PLOD3: variants seen among roughly 807,000 people sequenced by gnomAD.
PLOD3 encodes the protein procollagen-lysine,2-oxoglutarate 5-dioxygenase 3.
Under a neutral mutation model 96.9 loss-of-function variants are expected in PLOD3, and 73 were observed. The ratio of observed to expected loss-of-function variants is 0.75; its 90% confidence interval spans 0.62 to 0.92. The LOEUF is 0.92. Ranked by LOEUF, PLOD3 falls within the 40% of genes least tolerant of loss-of-function variation. The pLI is 0.00. For missense variants in PLOD3, 1,004 were observed against 1,004.3 expected, an observed-to-expected ratio of 1.00 and a Z score of 0.00; for synonymous variants, 454 against 413.7, an observed-to-expected ratio of 1.10 and a Z score of -1.18.
chr7:101,216,935 G>A (rs1411402116), intron 1 of PLOD3, 149 bp from the exon 2 acceptor site: 6 of 759,358 alleles, frequency 7.9e-6, no homozygotes, highest in African/African-American at 1.7e-5. Context: ...ACCCCAAGGA[G>A]GGCAGGGTGG....
chr7:101,214,854 G>A (rs991132754), intron 6 of PLOD3, among the ~76,000 whole-genome samples: 1 of 152,120 alleles, frequency 6.6e-6, no homozygotes, highest in African/African-American at 2.4e-5. Flanking sequence ...AAAGTCCCTG[G>A]CCCGGTGCCC....
At chr7:101,211,522 G>GT in intron 12 of PLOD3, 69 bp downstream of exon 12, 2 of 1,511,414 alleles carry the variant, frequency 1.3e-6, no homozygotes, top group Non-Finnish European at 1.8e-6. Flanking sequence ...ACCCCTGAGA[G>GT]TAGGGGGCTT....
Position 101,206,200 on chromosome 7 carries a change from C to G in PLOD3, c.*81G>C, listed in dbSNP as rs1798079249. 7.3e-7 allele frequency: 1 copy of G among 1,368,808 alleles called. No homozygotes were observed. The allele number at this position is 1,368,808 out of a possible 1,614,324, so 84.8% of individuals were successfully genotyped here. On this transcript the variant is annotated 3_prime_UTR_variant, in exon 19 of 19. Transcript: ENST00000223127. The stretch of plus-strand genomic sequence containing the variant: ...TCAGGAAGTGGGGAGACAGAGAGAC[C>G]CATCCCCCAACTCCCAGGACGGGGG...
chr7:101,208,362 C>T (rs1798119407), intron 16 of PLOD3, among the ~76,000 whole-genome samples: 1 of 152,016 alleles, frequency 6.6e-6, no homozygotes, highest in African/African-American at 2.4e-5. Flanking sequence ...TCTACCTCAG[C>T]TCCCGAGTAG....
chr7:101,214,698 G>A (rs1252452172), intron 6 of PLOD3, among the ~76,000 whole-genome samples: 3 of 151,974 alleles, frequency 2.0e-5, no homozygotes, highest in Non-Finnish European at 4.4e-5. Flanking sequence ...TGAGCTGGGC[G>A]TGGTGGCGCA....
At position 101,206,817 on chromosome 7, in the gene PLOD3, G is replaced by A. The variant is rs1201360012; in HGVS notation, c.2023C>T (p.Leu675Phe). The A allele has an allele frequency of 6.3e-7, 1 of 1,579,920 alleles. No homozygotes were observed. The highest frequency in any genetic ancestry group is 1.3e-5 in the African/African-American group (1 of 74,330). ...CCCTTGTGGTTGAGGGCAACGTTGA[G>A]GGTGAAGGTGGATGAGTCGTGGTGT... is the stretch of plus-strand genomic sequence containing the variant. The part of the protein sequence containing the change: ...RPHHDSSTFT[L>F]NVALNHKGLD... Residue 675 changes from leucine to phenylalanine, a missense_variant, in exon 18 of 19, where the codon CTC (leucine) becomes TTC (phenylalanine). This residue lies in a region of PLOD3 where 222 missense variants were observed against 220.4 expected (regional missense o/e 1.01). Coordinates refer to ENST00000223127, the MANE Select transcript of PLOD3 (RefSeq NM_001084.5).
chr7:101,208,156 G>T (rs879315897), intron 16 of PLOD3, among the ~76,000 whole-genome samples: 1 of 152,028 alleles, frequency 6.6e-6, no homozygotes, highest in Non-Finnish European at 1.5e-5. Context: ...GGAGTACTGC[G>T]GCATGATCAT....
At chr7:101,210,831 T>C (rs1798170774) in intron 12 of PLOD3, 158 bp from the exon 13 acceptor site, 5 of 720,236 alleles carry the variant, frequency 6.9e-6, no homozygotes, top group Non-Finnish European at 1.1e-5. Flanking sequence ...CCACCCCACC[T>C]CCCAAAATGC....
intron 1 of PLOD3, 105 bp downstream of exon 1, chr7:101,217,061 G>A: frequency 1.6e-6 from 2 of 1,232,908 alleles, no homozygotes; most frequent in Non-Finnish European, 2.2e-6. Flanking sequence ...GCTGGGCGGG[G>A]GACGGGCCAG....
rs1373999637 is a variant in PLOD3, at chr7:101,212,764, G to A, written c.879+78C>T. Reference sequence around the variant, plus strand: ...GGGACCCAGGAGCGATGCCCCCACCGCCCCCCAGTCCGCTGTCCTTGTACC... The same window carrying A: ...GGGACCCAGGAGCGATGCCCCCACCACCCCCCAGTCCGCTGTCCTTGTACC... On this transcript the variant is annotated intron_variant, in intron 8 of 18. Coordinates refer to ENST00000223127, the MANE Select transcript of PLOD3 (RefSeq NM_001084.5). 6.6e-6 allele frequency: 10 copies of A among 1,523,596 alleles called. No homozygotes were observed. In the East Asian group the frequency reaches 1.1e-4, roughly 17 times the overall value. 94.4% of individuals were successfully genotyped at this position (1,523,596 alleles called of 1,614,324 possible). A position where few individuals can be genotyped will look rare whatever the true frequency, so the allele number is the denominator to read the frequency against.
intron 6 of PLOD3, among the ~76,000 whole-genome samples, chr7:101,214,761 C>T (rs930930890): frequency 6.6e-5 from 10 of 152,070 alleles, no homozygotes; most frequent in African/African-American, 1.9e-4. Flanking sequence ...CACTTGAACC[C>T]GGGAGGTGGA....
At chr7:101,214,898 G>A (rs1333707668) in intron 6 of PLOD3, among the ~76,000 whole-genome samples, 191 bp downstream of exon 6, 2 of 152,148 alleles carry the variant, frequency 1.3e-5, no homozygotes, top group African/African-American at 4.8e-5. Context: ...TGCCAGACAC[G>A]TTTTTGCTTC....
intron 15 of PLOD3, among the ~76,000 whole-genome samples, chr7:101,209,630 G>A (rs570615027): frequency 6.0e-5 from 9 of 149,372 alleles, no homozygotes; most frequent in Non-Finnish European, 1.2e-4. Context: ...GACCTCAGGT[G>A]ATCTGCCTGC....
rs1177288226 is a variant in PLOD3, at chr7:101,206,908, G to C, written c.1936-4C>G. 1 of 1,555,314 alleles carries C rather than the reference G, an allele frequency of 6.4e-7. No individual in the cohort carries two copies. The highest frequency in any genetic ancestry group is 8.7e-7 in the Non-Finnish European group (1 of 1,148,986). On this transcript the variant is annotated splice_polypyrimidine_tract_variant and splice_region_variant and intron_variant, in intron 17 of 18. Transcript: ENST00000223127. ...CAAAGTTCATCACCGCCCGCGCCTG[G>C]GGGAGAGGAGGGAAGAGGCTGCAGG...
Position 101,216,528 on chromosome 7 carries a change from CCT to C in PLOD3, c.218_219del (p.Glu73GlyfsTer6). 6.2e-7 allele frequency: 1 copy of C among 1,614,146 alleles called. No individual in the cohort carries two copies. The highest frequency in any genetic ancestry group is 8.5e-7 in the Non-Finnish European group (1 of 1,180,032). On this transcript the variant is annotated frameshift_variant, in exon 3 of 19. Transcript: ENST00000223127. LOFTEE classifies it high-confidence loss of function. ...NYTVRTLGLG[E>X]EWRGGDVART... ...CGAGCCACATCACCCCCTCGCCACT[CCT>C]CTCCCAGGCCCAGGGTCTGTGGAGA...
Position 101,206,244 on chromosome 7 carries a change from C to A in PLOD3, c.*37G>T. The A allele has an allele frequency of 6.2e-7, 1 of 1,612,016 alleles. No homozygotes were observed. Among genetic ancestry groups the A allele is most frequent in the Non-Finnish European group, 8.5e-7 (1 of 1,178,278 alleles). ...ACGGGGGCCAGGCCCCCTAAAAAGG[C>A]ACAATGGCAGGGCAGGTTTGGCAGA... is the stretch of plus-strand genomic sequence containing the variant. On this transcript the variant is annotated 3_prime_UTR_variant, in exon 19 of 19. Coordinates refer to ENST00000223127, the MANE Select transcript of PLOD3 (RefSeq NM_001084.5).
intron 5 of PLOD3, among the ~76,000 whole-genome samples, chr7:101,215,668 C>A (rs1334982431): frequency 1.3e-5 from 2 of 151,830 alleles, no homozygotes; most frequent in African/African-American, 2.4e-5. Context: ...CTAATTTTTT[C>A]TTTCTTTTTT....
Position 101,207,737 on chromosome 7 carries a change from G to A in PLOD3, c.1789-13C>T. ...CCAGCCTTGAATCCTGGGGGCGGCG[G>A]GCACTGAGCCACCCGCCCCTCCAGC... On this transcript the variant is annotated splice_polypyrimidine_tract_variant and intron_variant, in intron 16 of 18. Transcript: ENST00000223127. The A allele has an allele frequency of 2.5e-6, 4 of 1,613,418 alleles. No individual in the cohort carries two copies. The Middle Eastern group carries it at 6.8e-4, about 274-fold the overall frequency.
chr7:101,209,738 G>C (rs888676988), intron 15 of PLOD3: 1 of 212,170 alleles, frequency 4.7e-6, no homozygotes, highest in African/African-American at 2.3e-5. Flanking sequence ...ACAGATTCTC[G>C]CTATGTTGCC....
Sources: gnomAD v4.1 joint callset for allele counts (sites outside exome capture counted in the v4.1 genomes callset) on GRCh38, gnomAD v4.1.1 for gene constraint, gnomAD v4.1.1 regional missense constraint, MANE v1.5 for transcripts, NCBI Gene and HGNC (gene_info 2026-07-23, HGNC 2026-07-21) for gene names.